Variants in GXYLT1 observed in about 807,000 individuals in gnomAD.
GXYLT1 encodes the protein glucoside xylosyltransferase 1, also known as glycosyltransferase 8 domain containing 3.
A neutral mutation model predicts 54.0 loss-of-function variants in GXYLT1; 29 were observed. The ratio of observed to expected loss-of-function variants is 0.54; its 90% CI spans 0.40 to 0.73. GXYLT1 has a LOEUF of 0.73. GXYLT1 is among the 30% of genes least tolerant of loss of function. The pLI is 0.00. For missense variants in GXYLT1, 490 were observed against 553.4 expected, an observed-to-expected ratio of 0.89 and a Z score of 1.15; for synonymous variants, 176 against 204.1, an observed-to-expected ratio of 0.86 and a Z score of 1.17.
At chr12:42,142,401 A>G (rs1205011380) in intron 1 of GXYLT1, among the ~76,000 whole-genome samples, 1 of 151,930 alleles carries the variant, frequency 6.6e-6, no homozygotes, top group African/African-American at 2.4e-5. Flanking sequence ...CACTGGTGCA[A>G]TCATAGCTCA....
chr12:42,089,479 A>C (rs987044597), intron 7 of GXYLT1, among the ~76,000 whole-genome samples: 3 of 152,230 alleles, frequency 2.0e-5, no homozygotes, highest in Non-Finnish European at 2.9e-5. Flanking sequence ...TAGAACTTAA[A>C]GTATAATAAA....
intron 2 of GXYLT1, among the ~76,000 whole-genome samples, chr12:42,121,669 AT>A (rs1269121434): frequency 6.7e-6 from 1 of 150,348 alleles, no homozygotes; most frequent in African/African-American, 2.4e-5. Context: ...AAAAAAAAAA[AT>A]CCCTCTAAAA....
intron 7 of GXYLT1, among the ~76,000 whole-genome samples, chr12:42,095,043 T>C (rs1156558124): frequency 6.6e-6 from 1 of 152,138 alleles, no homozygotes. Flanking sequence ...TTCATAAATA[T>C]ATAAAAAGAT....
chr12:42,100,218 A>G (rs538531437), intron 5 of GXYLT1, among the ~76,000 whole-genome samples: 9 of 152,324 alleles, frequency 5.9e-5, no homozygotes, highest in African/African-American at 2.2e-4. Context: ...AGTAAAAACC[A>G]GTATTCTTCA....
chr12:42,087,246 TA>T lies in GXYLT1; in HGVS notation c.*539del, dbSNP rs1471817954. ...AAAATAATTTTAAACATGATTGTCA[TA>T]AAAATATTTTAAAACAGAGATGAAA... On this transcript the variant is annotated 3_prime_UTR_variant, in exon 8 of 8. Coordinates refer to ENST00000398675, the MANE Select transcript of GXYLT1 (RefSeq NM_173601.2). The T allele has an allele frequency of 6.6e-6, 1 of 152,402 alleles. No homozygotes were observed. The highest frequency in any genetic ancestry group is 1.5e-5 in the Non-Finnish European group (1 of 68,168). 9.4% of individuals were successfully genotyped at this position (152,402 alleles called of 1,614,324 possible).
intron 3 of GXYLT1, among the ~76,000 whole-genome samples, chr12:42,111,890 T>G (rs971888900): frequency 1.3e-5 from 2 of 152,198 alleles, no homozygotes; most frequent in Admixed American, 1.3e-4. Flanking sequence ...CACCCCACTG[T>G]AGGGGCGGAC....
At chr12:42,128,853 T>A (rs1035224726) in intron 2 of GXYLT1, among the ~76,000 whole-genome samples, 15 of 151,844 alleles carry the variant, frequency 9.9e-5, no homozygotes, top group African/African-American at 2.9e-4. Context: ...AAAAAAAAAA[T>A]TTGTAGAGAC....
At chr12:42,144,301 G>C in intron 1 of GXYLT1, 125 bp downstream of exon 1, 1 of 524,348 alleles carries the variant, frequency 1.9e-6, no homozygotes, top group African/African-American at 2.1e-5. Flanking sequence ...AAATGAGTGA[G>C]GGGTCAGAGA....
chr12:42,097,647 A>T, intron 6 of GXYLT1, 33 bp from the exon 7 acceptor site: 1 of 1,553,812 alleles, frequency 6.4e-7, no homozygotes, highest in Non-Finnish European at 8.8e-7. Context: ...AATGAAGCAA[A>T]TACCCCTAAT....
At chr12:42,117,970 A>G (rs1307013600) in intron 3 of GXYLT1, among the ~76,000 whole-genome samples, 2 of 152,184 alleles carry the variant, frequency 1.3e-5, no homozygotes, top group African/African-American at 4.8e-5. Flanking sequence ...TATGGGTGCA[A>G]TGGTTGGAGT....
At chr12:42,140,468 C>T (rs2065645755) in intron 1 of GXYLT1, among the ~76,000 whole-genome samples, 1 of 152,002 alleles carries the variant, frequency 6.6e-6, no homozygotes, top group African/African-American at 2.4e-5. Context: ...TGTCAGGCAC[C>T]ATACTAGGTA....
Position 42,082,754 on chromosome 12 carries a change from A to C in GXYLT1, c.*5032T>G, listed in dbSNP as rs1335434994. The C allele has an allele frequency of 6.6e-6, 1 of 152,276 alleles. No homozygotes were observed. Among genetic ancestry groups the C allele is most frequent in the Non-Finnish European group, 1.5e-5 (1 of 68,102 alleles). 9.4% of individuals were successfully genotyped at this position (152,276 alleles called of 1,614,324 possible). A position where few individuals can be genotyped will look rare whatever the true frequency, so the allele number is the denominator to read the frequency against. Reference sequence around the variant, plus strand: ...CTCGGCCTCCCAAAGTGCTGGGATTACATGCATGAGCCACCACACCCAGCC... The same window carrying C: ...CTCGGCCTCCCAAAGTGCTGGGATTCCATGCATGAGCCACCACACCCAGCC... On this transcript the variant is annotated 3_prime_UTR_variant, in exon 8 of 8. Coordinates refer to ENST00000398675, the MANE Select transcript of GXYLT1 (RefSeq NM_173601.2).
At chr12:42,109,429 G>A (rs1446536177) in intron 4 of GXYLT1, 137 bp downstream of exon 4, 4 of 541,324 alleles carry the variant, frequency 7.4e-6, no homozygotes, top group Non-Finnish European at 1.2e-5. Flanking sequence ...AAGGAAGATA[G>A]TACATGCATT....
chr12:42,107,508 C>A (rs1464767221), intron 4 of GXYLT1, among the ~76,000 whole-genome samples: 2 of 152,076 alleles, frequency 1.3e-5, no homozygotes, highest in South Asian at 2.1e-4. Flanking sequence ...CTGACCAATA[C>A]GGCAAAACGC....
intron 2 of GXYLT1, 132 bp downstream of exon 2, chr12:42,129,627 G>A: frequency 1.8e-6 from 1 of 542,596 alleles, no homozygotes; most frequent in Non-Finnish European, 3.2e-6. Flanking sequence ...GGGAAAAATA[G>A]AAAACCCAAT....
At chr12:42,098,699 C>G (rs1363287105) in intron 5 of GXYLT1, among the ~76,000 whole-genome samples, 2 of 136,466 alleles carry the variant, frequency 1.5e-5, no homozygotes, top group African/African-American at 5.5e-5. Context: ...ATTTTCCTAT[C>G]CAAAAACATA....
chr12:42,139,820 G>A (rs1254390792), intron 1 of GXYLT1, among the ~76,000 whole-genome samples: 1 of 152,120 alleles, frequency 6.6e-6, no homozygotes, highest in Admixed American at 6.5e-5. Context: ...AGTGGCTTTA[G>A]TAAGTAATTC....
chr12:42,140,056 C>T (rs1441898290), intron 1 of GXYLT1, among the ~76,000 whole-genome samples: 7 of 151,694 alleles, frequency 4.6e-5, no homozygotes, highest in Non-Finnish European at 7.4e-5. Flanking sequence ...TGGCAGGCAC[C>T]TGTAGTCCCA....
chr12:42,142,376 A>C (rs1454744402), intron 1 of GXYLT1, among the ~76,000 whole-genome samples: 1 of 149,278 alleles, frequency 6.7e-6, no homozygotes, highest in Non-Finnish European at 1.5e-5. Context: ...TTGCTCTGTC[A>C]CCCAGGTTGG....
Sources: allele counts gnomAD v4.1 joint callset (sites outside exome capture counted in the v4.1 genomes callset), GRCh38; gene constraint gnomAD v4.1.1; transcripts MANE v1.5; gene names NCBI Gene and HGNC (gene_info 2026-07-23, HGNC 2026-07-21).